SUGCT: variants seen among roughly 807,000 people sequenced by gnomAD.
The protein encoded by SUGCT is succinyl-CoA:glutarate CoA-transferase.
SUGCT carries 41 observed loss-of-function variants against 55.0 expected under a neutral mutation model. The observed-to-expected ratio is 0.74, with a 90% CI of 0.58 to 0.97. The LOEUF is 0.97. SUGCT is among the 50% of genes least tolerant of loss of function. SUGCT has a pLI of 0.00. For synonymous variants in SUGCT, 187 were observed against 200.4 expected (o/e 0.93, Z 0.56); for missense variants, 568 against 547.8 (o/e 1.04, Z -0.37).
the SUGCT span, among the ~76,000 whole-genome samples, chr7:40,917,442 A>C: frequency 6.6e-6 from 1 of 152,300 alleles, no homozygotes; most frequent in South Asian, 2.1e-4. Context: ...TAGAAGTTCA[A>C]GATGAGAGGT....
chr7:40,395,782 A>G (rs1785695380), intron 9 of SUGCT, among the ~76,000 whole-genome samples: 1 of 152,052 alleles, frequency 6.6e-6, no homozygotes, highest in Admixed American at 6.6e-5. Flanking sequence ...GTTGCTTAAC[A>G]ATTTGGGTAG....
intron 9 of SUGCT, among the ~76,000 whole-genome samples, chr7:40,404,626 A>C (rs1583608351): frequency 6.6e-6 from 1 of 152,118 alleles, no homozygotes; most frequent in African/African-American, 2.4e-5. Context: ...TAGTAGAGAC[A>C]GGGTTTTACC....
downstream of SUGCT, among the ~76,000 whole-genome samples, chr7:40,863,912 T>C (rs934987374): frequency 1.3e-5 from 2 of 152,012 alleles, no homozygotes; most frequent in Non-Finnish European, 2.9e-5. Flanking sequence ...ATAAGGAAGA[T>C]GAAGAGATGC....
Position 40,624,248 on chromosome 7 carries a change from C to G in SUGCT, c.1090-125186C>G, listed in dbSNP as rs140860050. 1.6e-3 allele frequency among the ~76,000 whole-genome samples: 243 copies of G among 152,300 alleles called. 2 individuals are homozygous for G. The highest frequency in any genetic ancestry group is 5.4e-3 in the African/African-American group (225 of 41,572). The stretch of plus-strand genomic sequence containing the variant: ...TTCCTCTTGCTCTAGGCTATCCTCT[C>G]CTCTTTCTCCACCAGGACCTTTTTT... On this transcript the variant is annotated intron_variant, in intron 12 of 13. Coordinates refer to ENST00000335693, the MANE Select transcript of SUGCT (RefSeq NM_001193313.2).
At chr7:40,287,204 T>C (rs902144885) in intron 8 of SUGCT, among the ~76,000 whole-genome samples, 1 of 152,340 alleles carries the variant, frequency 6.6e-6, no homozygotes, top group South Asian at 2.1e-4. Context: ...TTTTTTTTAA[T>C]CTTACAACCT....
intron 13 of SUGCT, among the ~76,000 whole-genome samples, chr7:40,771,282 G>A (rs981284122): frequency 3.9e-5 from 6 of 152,084 alleles, no homozygotes; most frequent in African/African-American, 1.4e-4. Context: ...CTATTAAAAT[G>A]CAGCAGATTG....
the SUGCT span, among the ~76,000 whole-genome samples, chr7:40,922,133 A>G: frequency 2.0e-5 from 3 of 152,056 alleles, no homozygotes; most frequent in Admixed American, 1.3e-4. Context: ...CTTGGTTTTT[A>G]CTCCAGGGTT....
intron 12 of SUGCT, among the ~76,000 whole-genome samples, chr7:40,717,263 T>C (rs1188031419): frequency 6.6e-6 from 1 of 152,106 alleles, no homozygotes; most frequent in Non-Finnish European, 1.5e-5. Context: ...AAGATTAGGC[T>C]CGCGGACACA....
At chr7:40,352,274 AT>A (rs908586037) in intron 9 of SUGCT, among the ~76,000 whole-genome samples, 2 of 151,912 alleles carry the variant, frequency 1.3e-5, no homozygotes, top group African/African-American at 4.8e-5. Context: ...CTTCTATACA[AT>A]TTTTTTTAGT....
intron 11 of SUGCT, among the ~76,000 whole-genome samples, chr7:40,479,173 A>T (rs1204910629): frequency 6.6e-6 from 1 of 152,104 alleles, no homozygotes; most frequent in Non-Finnish European, 1.5e-5. Flanking sequence ...GATTTTGTTA[A>T]GCATGCTGAA....
chr7:40,392,730 A>G (rs1054366786), intron 9 of SUGCT, among the ~76,000 whole-genome samples: 1 of 152,204 alleles, frequency 6.6e-6, no homozygotes, highest in African/African-American at 2.4e-5. Context: ...ACAAAACTGG[A>G]GGAAGGGAAG....
chr7:40,292,882 A>G (rs76115730), intron 8 of SUGCT, among the ~76,000 whole-genome samples: 2,515 of 152,180 alleles, frequency 0.017, 58 homozygotes, highest in African/African-American at 0.058. Context: ...GTTTATTCTG[A>G]TACACATTCT....
the SUGCT span, among the ~76,000 whole-genome samples, chr7:40,976,309 G>A: frequency 6.6e-6 from 1 of 152,146 alleles, no homozygotes; most frequent in Non-Finnish European, 1.5e-5. Context: ...CCAAATACAT[G>A]GGAGGTATCC....
chr7:40,411,175 T>C (rs1164012234), intron 9 of SUGCT, among the ~76,000 whole-genome samples: 1 of 152,056 alleles, frequency 6.6e-6, no homozygotes, highest in Admixed American at 6.5e-5. Flanking sequence ...GGAGGATCAC[T>C]TGAGGTCAGG....
At chr7:40,154,879 A>G (rs903369283) in intron 1 of SUGCT, among the ~76,000 whole-genome samples, 2 of 152,230 alleles carry the variant, frequency 1.3e-5, no homozygotes, top group African/African-American at 4.8e-5. Context: ...ATTAAAATGC[A>G]CATCTGTTAT....
At chr7:40,696,585 C>T (rs1784943404) in intron 12 of SUGCT, among the ~76,000 whole-genome samples, 1 of 152,164 alleles carries the variant, frequency 6.6e-6, no homozygotes, top group Non-Finnish European at 1.5e-5. Context: ...ATCAGAACCT[C>T]CAAACTCCAA....
intron 12 of SUGCT, among the ~76,000 whole-genome samples, chr7:40,559,539 A>G (rs1426930660): frequency 6.6e-6 from 1 of 152,236 alleles, no homozygotes; most frequent in African/African-American, 2.4e-5. Context: ...GTGAAATGAA[A>G]TGAAGAAGAA....
intron 9 of SUGCT, among the ~76,000 whole-genome samples, chr7:40,444,934 G>T (rs1472168465): frequency 6.6e-6 from 1 of 152,164 alleles, no homozygotes; most frequent in Admixed American, 6.5e-5. Context: ...TTAGCATGAA[G>T]CGCTGTTGAA....
At chr7:40,406,826 G>GTGC (rs913034690) in intron 9 of SUGCT, among the ~76,000 whole-genome samples, 3 of 152,008 alleles carry the variant, frequency 2.0e-5, no homozygotes, top group African/African-American at 7.2e-5. Context: ...GGTTTTTTAG[G>GTGC]TGCTCATTCA....
Sources: gnomAD v4.1 joint callset for allele counts (sites outside exome capture counted in the v4.1 genomes callset) on GRCh38, gnomAD v4.1.1 for gene constraint, MANE v1.5 for transcripts, NCBI Gene and HGNC (gene_info 2026-07-23, HGNC 2026-07-21) for gene names.